AK4: variants seen among roughly 807,000 people sequenced by gnomAD.
The protein encoded by AK4 is adenylate kinase 4, mitochondrial.
Under a neutral mutation model 24.6 loss-of-function variants are expected in AK4, and 13 were observed. That is an observed-to-expected ratio of 0.53 (90% confidence interval 0.34 to 0.84). AK4 has a LOEUF of 0.84. AK4 is among the 40% of genes least tolerant of loss of function. AK4 has a pLI of 0.01. For missense variants in AK4, 192 were observed against 288.2 expected, an observed-to-expected ratio of 0.67 and a Z score of 2.42; for synonymous variants, 88 against 107.0, an observed-to-expected ratio of 0.82 and a Z score of 1.10.
At position 65,228,928 on chromosome 1, in the gene AK4, G is replaced by T. The variant is rs749163290; in HGVS notation, c.*2751G>T. On this transcript the variant is annotated 3_prime_UTR_variant, in exon 5 of 5. Transcript: ENST00000327299. Reference sequence around the variant, plus strand: ...GTATTTAATACCCTCCAACACTAACGCAGACTTAAGATAGGTACTGTTTAT... The same window carrying T: ...GTATTTAATACCCTCCAACACTAACTCAGACTTAAGATAGGTACTGTTTAT... The T allele has an allele frequency of 3.3e-5, 5 of 152,022 alleles. No homozygotes were observed. Among genetic ancestry groups the T allele is most frequent in the Non-Finnish European group, 5.9e-5 (4 of 68,020 alleles). The allele number at this position is 152,022 out of a possible 1,614,324, so 9.4% of individuals were successfully genotyped here. A position where few individuals can be genotyped will look rare whatever the true frequency, so the allele number is the denominator to read the frequency against.
chr1:65,223,310 T>C (rs1424398210), intron 3 of AK4, among the ~76,000 whole-genome samples: 1 of 152,082 alleles, frequency 6.6e-6, no homozygotes, highest in African/African-American at 2.4e-5. Context: ...TGCCTCAGAC[T>C]CTCGAGTAGT....
chr1:65,206,660 T>C (rs188931643), intron 2 of AK4, among the ~76,000 whole-genome samples: 2 of 152,328 alleles, frequency 1.3e-5, no homozygotes, highest in Admixed American at 1.3e-4. Context: ...GTAGTCCAGC[T>C]ACTTGGGTGG....
chr1:65,225,088 ACC>A lies in AK4; in HGVS notation c.557+219_557+220del, dbSNP rs562410622. ...AAACTGTTAGAACATAAGGACCCAAACCTGATCATCTCTGTCTGCTTTGGATG... is the reference window on the plus strand; with the variant it reads ...AAACTGTTAGAACATAAGGACCCAAATGATCATCTCTGTCTGCTTTGGATG... On this transcript the variant is annotated intron_variant, in intron 4 of 4. Transcript: ENST00000327299. Among the ~76,000 whole-genome samples the A allele has an allele frequency of 3.3e-3, 495 of 152,234 alleles. 4 individuals are homozygous for A. Among genetic ancestry groups the A allele is most frequent in the African/African-American group, 0.011 (469 of 41,536 alleles).
intron 4 of AK4, 114 bp downstream of exon 4, chr1:65,224,984 A>G (rs1652411069): frequency 1.4e-6 from 1 of 735,182 alleles, no homozygotes; most frequent in South Asian, 1.9e-5. Context: ...GATAAACACT[A>G]GCGATCCAAA....
At chr1:65,215,241 T>C (rs1210116910) in intron 2 of AK4, among the ~76,000 whole-genome samples, 2 of 151,822 alleles carry the variant, frequency 1.3e-5, no homozygotes, top group African/African-American at 4.8e-5. Context: ...GCACGATCTC[T>C]ACTCACTGCA....
At chr1:65,156,845 G>A (rs1288913757) in intron 1 of AK4, among the ~76,000 whole-genome samples, 3 of 150,180 alleles carry the variant, frequency 2.0e-5, no homozygotes, top group African/African-American at 7.4e-5. Flanking sequence ...AGAATTGCTT[G>A]AACCCGGGAG....
At chr1:65,167,028 G>T (rs1186637908) in intron 1 of AK4, among the ~76,000 whole-genome samples, 1 of 152,228 alleles carries the variant, frequency 6.6e-6, no homozygotes, top group African/African-American at 2.4e-5. Context: ...GCTACTCAGA[G>T]GGCTGAGGCA....
chr1:65,192,237 G>C (rs1292012227), intron 2 of AK4, among the ~76,000 whole-genome samples: 1 of 152,166 alleles, frequency 6.6e-6, no homozygotes, highest in Non-Finnish European at 1.5e-5. Context: ...ATCTGATGAG[G>C]GCCTTCTTGC....
intron 1 of AK4, 109 bp downstream of exon 1, chr1:65,148,661 G>A: frequency 1.4e-6 from 2 of 1,412,876 alleles, no homozygotes; most frequent in Non-Finnish European, 1.9e-6. Flanking sequence ...GCCCGCGTGT[G>A]GTCGTGCAGG....
At chr1:65,162,484 T>G (rs1425078545) in intron 1 of AK4, among the ~76,000 whole-genome samples, 1 of 152,158 alleles carries the variant, frequency 6.6e-6, no homozygotes, top group African/African-American at 2.4e-5. Context: ...GTTACTTTTA[T>G]TTTTTATACG....
intron 2 of AK4, among the ~76,000 whole-genome samples, chr1:65,196,405 A>G (rs1454640782): frequency 6.6e-6 from 1 of 152,140 alleles, no homozygotes; most frequent in Non-Finnish European, 1.5e-5. Context: ...TCTTGCTAAA[A>G]AAAAAGTTCA....
At chr1:65,170,054 G>A (rs1050367549) in intron 1 of AK4, among the ~76,000 whole-genome samples, 4 of 152,064 alleles carry the variant, frequency 2.6e-5, no homozygotes, top group African/African-American at 4.8e-5. Flanking sequence ...GTTAGGTTGC[G>A]TCAGAGTCCC....
chr1:65,166,847 T>A (rs1386120396), intron 1 of AK4, among the ~76,000 whole-genome samples: 1 of 152,184 alleles, frequency 6.6e-6, no homozygotes, highest in African/African-American at 2.4e-5. Flanking sequence ...AATTGTGTCA[T>A]CTTGGCCAGT....
At chr1:65,200,804 T>TG (rs34051396) in intron 2 of AK4, among the ~76,000 whole-genome samples, 3 of 55,940 alleles carry the variant, frequency 5.4e-5, no homozygotes, top group African/African-American at 2.1e-4. Context: ...CTGGGTTTTG[T>TG]TTTTTTTTTT....
intron 2 of AK4, among the ~76,000 whole-genome samples, chr1:65,210,830 G>A (rs921322594): frequency 6.6e-6 from 1 of 152,232 alleles, no homozygotes; most frequent in East Asian, 1.9e-4. Flanking sequence ...TTTACATATA[G>A]TAATTTGCTT....
chr1:65,179,472 C>G (rs1650827474), intron 1 of AK4, among the ~76,000 whole-genome samples: 1 of 152,148 alleles, frequency 6.6e-6, no homozygotes, highest in African/African-American at 2.4e-5. Context: ...ATTTCCTTAT[C>G]TAAGAAATAG....
At chr1:65,152,291 G>C (rs1189770890) in intron 1 of AK4, among the ~76,000 whole-genome samples, 18 of 117,222 alleles carry the variant, frequency 1.5e-4, no homozygotes, top group African/African-American at 5.7e-4. Context: ...AGATGTTAAG[G>C]AACAAACCTG....
chr1:65,198,406 A>G (rs564625105), intron 2 of AK4, among the ~76,000 whole-genome samples: 1 of 152,168 alleles, frequency 6.6e-6, no homozygotes, highest in Non-Finnish European at 1.5e-5. Context: ...AAGCATTATT[A>G]TATCTAATGG....
rs1477382282 is a variant in AK4, at chr1:65,230,818, A to G, written c.*4641A>G. The G allele has an allele frequency of 6.6e-6, 1 of 152,212 alleles. No individual in the cohort carries two copies. The highest frequency in any genetic ancestry group is 1.5e-5 in the Non-Finnish European group (1 of 68,036). The allele number at this position is 152,212 out of a possible 1,614,324, so 9.4% of individuals were successfully genotyped here. ...ACTGGTAGTTGCACACTGTATCTACAGAGGGCGTGTCTCATCTGTACTCTG... is the reference window on the plus strand; with the variant it reads ...ACTGGTAGTTGCACACTGTATCTACGGAGGGCGTGTCTCATCTGTACTCTG... On this transcript the variant is annotated 3_prime_UTR_variant, in exon 5 of 5. Transcript: ENST00000327299.
Sources: gnomAD v4.1 joint callset for allele counts (sites outside exome capture counted in the v4.1 genomes callset) on GRCh38, gnomAD v4.1.1 for gene constraint, MANE v1.5 for transcripts, NCBI Gene and HGNC (gene_info 2026-07-23, HGNC 2026-07-21) for gene names.